Variants in RPAP3 observed in about 807,000 individuals in gnomAD.
RPAP3 encodes RNA polymerase II associated protein 3, also known as RNA polymerase II-associated protein 3.
A neutral mutation model predicts 88.8 loss-of-function variants in RPAP3; 58 were observed. The observed-to-expected ratio is 0.65, with a 90% confidence interval of 0.53 to 0.81. The LOEUF (loss-of-function observed/expected upper bound fraction) is 0.81, where lower values mean the gene tolerates loss of function less well. Ranked by LOEUF, RPAP3 falls within the 40% of genes least tolerant of loss-of-function variation. The pLI is 0.00. For synonymous variants in RPAP3, 255 were observed against 259.9 expected, an observed-to-expected ratio of 0.98 and a Z score of 0.18; for missense variants, 751 against 764.3, an observed-to-expected ratio of 0.98 and a Z score of 0.20.
chr12:47,704,835 G>A (rs1229868365), intron 1 of RPAP3, among the ~76,000 whole-genome samples: 1 of 151,888 alleles, frequency 6.6e-6, no homozygotes, highest in Admixed American at 6.6e-5. Context: ...AACACTTCGA[G>A]ATCCCCATCT....
chr12:47,683,393 C>A (rs762265745), intron 9 of RPAP3, among the ~76,000 whole-genome samples: 7 of 152,150 alleles, frequency 4.6e-5, no homozygotes, highest in South Asian at 2.1e-4. Context: ...CATTTTAGCA[C>A]AATAAATATT....
chr12:47,685,045 A>G (rs1296407695), intron 9 of RPAP3, among the ~76,000 whole-genome samples: 1 of 152,236 alleles, frequency 6.6e-6, no homozygotes, highest in African/African-American at 2.4e-5. Context: ...TTCAAATACA[A>G]ATGCAGACAA....
At position 47,680,842 on chromosome 12, in the gene RPAP3, T is replaced by TAA. The variant is rs35594577; in HGVS notation, c.1114+852_1114+853dup. ...TAAAACCACAGCCCGAAGAGTTTTTTAAAAAAAAAAAATCAATCACTAACA... is the reference window on the plus strand; with the variant it reads ...TAAAACCACAGCCCGAAGAGTTTTTTAAAAAAAAAAAAAATCAATCACTAACA... On this transcript the variant is annotated intron_variant, in intron 10 of 16. Transcript: ENST00000005386. 1.6e-4 allele frequency among the ~76,000 whole-genome samples: 23 copies of TAA among 146,038 alleles called. No homozygotes were observed. In the South Asian group the frequency reaches 3.7e-3, roughly 23 times the overall value.
intron 3 of RPAP3, among the ~76,000 whole-genome samples, chr12:47,698,904 GA>G (rs1321675598): frequency 1.3e-5 from 2 of 151,908 alleles, no homozygotes; most frequent in Non-Finnish European, 2.9e-5. Context: ...ATTTACGTAG[GA>G]AAAAAATTGC....
Position 47,696,300 on chromosome 12 carries a change from G to A in RPAP3, c.521C>T (p.Ala174Val), listed in dbSNP as rs775098141. 7.0e-6 allele frequency: 11 copies of A among 1,570,548 alleles called. No homozygotes were observed. Among genetic ancestry groups the A allele is most frequent in the South Asian group, 4.8e-5 (4 of 82,592 alleles). Residue 174 changes from alanine (A) to valine (V), a missense_variant, in exon 5 of 17, where the codon GCG becomes GTG. Coordinates refer to ENST00000005386, the MANE Select transcript of RPAP3 (RefSeq NM_024604.3). Reference sequence around the variant, plus strand: ...CTTTTTCAGTCTAAAATATGCTGACGCTCTGTTCGTTGGCAACACGGGATT... The same window carrying A: ...CTTTTTCAGTCTAAAATATGCTGACACTCTGTTCGTTGGCAACACGGGATT... ...PYNPVLPTNR[A>V]SAYFRLKKFA... is the part of the protein sequence containing the mutation.
At chr12:47,674,323 A>T in intron 12 of RPAP3, among the ~76,000 whole-genome samples, 1 of 152,150 alleles carries the variant, frequency 6.6e-6, no homozygotes, top group Non-Finnish European at 1.5e-5. Flanking sequence ...AAATTCTAAA[A>T]ATCAGAGCAC....
At chr12:47,685,100 C>T (rs995265296) in intron 9 of RPAP3, among the ~76,000 whole-genome samples, 8 of 152,100 alleles carry the variant, frequency 5.3e-5, no homozygotes, top group Non-Finnish European at 1.0e-4. Flanking sequence ...ATATTTTGGC[C>T]GGGCGCGGTG....
At chr12:47,698,434 TAATA>T (rs1451768504) in intron 3 of RPAP3, among the ~76,000 whole-genome samples, 1 of 152,224 alleles carries the variant, frequency 6.6e-6, no homozygotes, top group Non-Finnish European at 1.5e-5. Flanking sequence ...ACTTTCATGG[TAATA>T]AATAATTTCA....
chr12:47,696,596 A>G (rs1388618317), intron 4 of RPAP3, among the ~76,000 whole-genome samples, 193 bp from the exon 5 acceptor site: 1 of 151,974 alleles, frequency 6.6e-6, no homozygotes, highest in Non-Finnish European at 1.5e-5. Context: ...CCGAGAGAGC[A>G]AGACCAACTC....
chr12:47,664,220 T>C (rs1938818052), intron 16 of RPAP3, among the ~76,000 whole-genome samples: 1 of 152,076 alleles, frequency 6.6e-6, no homozygotes, highest in South Asian at 2.1e-4. Context: ...AAACCCCGTC[T>C]CTACTAAAAA....
chr12:47,674,993 G>C (rs188352293), intron 12 of RPAP3, among the ~76,000 whole-genome samples: 138 of 152,312 alleles, frequency 9.1e-4, no homozygotes, highest in Non-Finnish European at 1.1e-3. Context: ...AGGGCAGTCA[G>C]AGAGAAAGGT....
At position 47,679,303 on chromosome 12, in the gene RPAP3, G is replaced by A. The variant is rs973336913; in HGVS notation, c.1287+190C>T. On this transcript the variant is annotated intron_variant, in intron 12 of 16. Transcript: ENST00000005386. ...AGGAGAAATACCTAATGTAAATGATGAGTTGATGGGTGCAGCAAACCAACA... is the reference window on the plus strand; with the variant it reads ...AGGAGAAATACCTAATGTAAATGATAAGTTGATGGGTGCAGCAAACCAACA... 2.6e-5 allele frequency among the ~76,000 whole-genome samples: 4 copies of A among 152,104 alleles called. No homozygotes were observed. The South Asian group carries it at 6.2e-4, about 24-fold the overall frequency.
intron 12 of RPAP3, among the ~76,000 whole-genome samples, chr12:47,673,444 CAAAAAAAAAAA>C (rs35080899): frequency 0.032 from 1,941 of 60,804 alleles, 167 homozygotes; most frequent in Admixed American, 0.21. Flanking sequence ...AACTCCGTCT[CAAAAAAAAAAA>C]AAAAAAAAAA....
chr12:47,680,836 GT>G (rs906056679), intron 10 of RPAP3, among the ~76,000 whole-genome samples: 1 of 142,350 alleles, frequency 7.0e-6, no homozygotes. Context: ...AGCCCGAAGA[GT>G]TTTTTAAAAA....
intron 5 of RPAP3, among the ~76,000 whole-genome samples, chr12:47,691,596 T>C (rs1260099625): frequency 1.3e-5 from 2 of 152,192 alleles, no homozygotes; most frequent in Admixed American, 6.5e-5. Context: ...ATAACAAGAA[T>C]TGAAATTGAA....
chr12:47,697,160 A>G (rs1389228569), intron 4 of RPAP3, among the ~76,000 whole-genome samples: 1 of 152,234 alleles, frequency 6.6e-6, no homozygotes, highest in African/African-American at 2.4e-5. Context: ...AACATTCCAA[A>G]AAGTAACCAA....
rs575611691 is a variant in RPAP3 at position 47,686,160 on chromosome 12, C to CA, written c.992+619dup. Among the ~76,000 whole-genome samples the CA allele has an allele frequency of 3.1e-4, 47 of 152,204 alleles. No individual in the cohort carries two copies. The East Asian group carries it at 6.6e-3, about 21-fold the overall frequency. On this transcript the variant is annotated intron_variant, in intron 9 of 16. Transcript: ENST00000005386. Reference sequence around the variant, plus strand: ...AGTCTGTAAAGTATAACAAGAGAAACAAAGTCTAAGTCTAAGTTTCTGCCA... The same window carrying CA: ...AGTCTGTAAAGTATAACAAGAGAAACAAAAGTCTAAGTCTAAGTTTCTGCCA...
In RPAP3 at chr12:47,691,748, T is replaced by C. The variant is rs145075781; in HGVS notation, c.546-1109A>G. 1.8e-4 allele frequency among the ~76,000 whole-genome samples: 27 copies of C among 152,070 alleles called. No individual in the cohort carries two copies. In the East Asian group the frequency reaches 5.2e-3, roughly 29 times the overall value. On this transcript the variant is annotated intron_variant, in intron 5 of 16. Transcript: ENST00000005386. ...TACACTACTTTGAAATAAATCCTTTTTTTTTTCTTTTTTTTTGAGACAGAG... is the reference window on the plus strand; with the variant it reads ...TACACTACTTTGAAATAAATCCTTTCTTTTTTCTTTTTTTTTGAGACAGAG...
chr12:47,667,374 T>C (rs965954962), intron 15 of RPAP3, among the ~76,000 whole-genome samples: 4 of 152,214 alleles, frequency 2.6e-5, no homozygotes, highest in Non-Finnish European at 4.4e-5. Flanking sequence ...CTTTTAAACT[T>C]TTCCCTTTTT....
Sources: allele counts gnomAD v4.1 joint callset (sites outside exome capture counted in the v4.1 genomes callset), GRCh38; gene constraint gnomAD v4.1.1; transcripts MANE v1.5; gene names NCBI Gene and HGNC (gene_info 2026-07-23, HGNC 2026-07-21).